ATPSCKMT: variants seen among roughly 807,000 people sequenced by gnomAD.
The protein encoded by ATPSCKMT is ATP synthase subunit C lysine N-methyltransferase.
A neutral mutation model predicts 24.3 loss-of-function variants in ATPSCKMT; 24 were observed. That is an observed-to-expected ratio of 0.99 (90% CI 0.71 to 1.39). ATPSCKMT has a LOEUF of 1.39. Ranked by LOEUF, ATPSCKMT falls within the 40% of genes most tolerant of loss-of-function variation. ATPSCKMT has a pLI of 0.00. For missense variants in ATPSCKMT, 311 were observed against 298.4 expected (o/e 1.04, Z -0.31); for synonymous variants, 95 against 110.5 (o/e 0.86, Z 0.88).
In ATPSCKMT at chr5:10,236,591, A is replaced by C. The variant is rs1579425067; in HGVS notation, c.331T>G (p.Phe111Val). The change falls in exon 3 of 5, where the codon TTC becomes GTC. Residue 111 changes from phenylalanine to valine, a missense_variant. Phe to Val is a conservative substitution (Grantham distance 50). Coordinates refer to ENST00000511437, the MANE Select transcript of ATPSCKMT (RefSeq NM_199133.4). ...RIVIAAAKKG[F>V]TAVGYELNPW... is the part of the protein sequence containing the mutation. ...TTTAATTCATAACCAACTGCTGTGAACCCTTTCTTCGCAGCCGCTATGACC... is the reference window on the plus strand; with the variant it reads ...TTTAATTCATAACCAACTGCTGTGACCCCTTTCTTCGCAGCCGCTATGACC... 2 of 1,614,184 alleles carry C rather than the reference A, an allele frequency of 1.2e-6. No individual in the cohort carries two copies. The highest frequency in any genetic ancestry group is 1.7e-6 in the Non-Finnish European group (2 of 1,180,024).
chr5:10,231,861 T>G (rs1252881291), intron 4 of ATPSCKMT, among the ~76,000 whole-genome samples: 2 of 152,238 alleles, frequency 1.3e-5, no homozygotes, highest in Non-Finnish European at 2.9e-5. Flanking sequence ...GTGATTCAGC[T>G]ACGAGTTATT....
At chr5:10,235,556 A>AT (rs1450796007) in intron 3 of ATPSCKMT, among the ~76,000 whole-genome samples, 1 of 152,222 alleles carries the variant, frequency 6.6e-6, no homozygotes, top group South Asian at 2.1e-4. Context: ...TGCGTCAGAC[A>AT]GCTAGTGACC....
At chr5:10,236,993 C>G (rs1744405128) in intron 2 of ATPSCKMT, 3 of 1,309,134 alleles carry the variant, frequency 2.3e-6, no homozygotes, top group Non-Finnish European at 3.0e-6. Context: ...ATGAAAGTGT[C>G]TGGGAGGATG....
intron 4 of ATPSCKMT, among the ~76,000 whole-genome samples, chr5:10,234,857 C>CA (rs1201027484): frequency 6.6e-6 from 1 of 152,186 alleles, no homozygotes; most frequent in Non-Finnish European, 1.5e-5. Flanking sequence ...TCAGAGGGAA[C>CA]ATCTCATTAA....
At chr5:10,245,286 G>A (rs535436209) in intron 1 of ATPSCKMT, among the ~76,000 whole-genome samples, 1 of 152,108 alleles carries the variant, frequency 6.6e-6, no homozygotes, top group Non-Finnish European at 1.5e-5. Context: ...CGGGCATGGT[G>A]GTGGGCGCCT....
chr5:10,239,130 A>G lies in ATPSCKMT; in HGVS notation c.243T>C (p.Val81=). 6.2e-7 allele frequency: 1 copy of G among 1,614,214 alleles called. No homozygotes were observed. The highest frequency in any genetic ancestry group is 8.5e-7 in the Non-Finnish European group (1 of 1,180,038). Residue 81 remains valine (V), a synonymous_variant, in exon 2 of 5, where the codon GTT becomes GTC. Transcript: ENST00000511437. ...VPATTKQIEN[V]VKMLRCRRGS... ...CTCTTCGGCATCGCAACATTTTCAC[A>G]ACATTTTCAATCTGCTTCGTAGTTG...
intron 2 of ATPSCKMT, chr5:10,237,137 T>C: frequency 1.3e-6 from 1 of 798,990 alleles, no homozygotes; most frequent in Admixed American, 2.4e-5. Context: ...ATGAAATGAA[T>C]CCCAATAACG....
intron 1 of ATPSCKMT, among the ~76,000 whole-genome samples, chr5:10,247,024 C>G (rs1268956016): frequency 1.3e-5 from 2 of 152,220 alleles, no homozygotes; most frequent in East Asian, 1.9e-4. Flanking sequence ...GAGTGAGAGA[C>G]AAACAGGAAG....
At chr5:10,233,089 G>C (rs1342855702) in intron 4 of ATPSCKMT, among the ~76,000 whole-genome samples, 1 of 152,190 alleles carries the variant, frequency 6.6e-6, no homozygotes, top group East Asian at 1.9e-4. Flanking sequence ...ATCAGAAGCA[G>C]GGGTGAGGGT....
chr5:10,225,639 T>A lies in ATPSCKMT; in HGVS notation c.*1802A>T, dbSNP rs1743846234. 6.6e-6 allele frequency among the ~76,000 whole-genome samples: 1 copy of A among 152,086 alleles called. No individual in the cohort carries two copies. Among genetic ancestry groups the A allele is most frequent in the South Asian group, 2.1e-4 (1 of 4,810 alleles). The stretch of plus-strand genomic sequence containing the variant: ...AATAACCATCAGATCTCATTAAACT[T>A]ACTCACTATCATGAGAACAGCACAG... On this transcript the variant is annotated 3_prime_UTR_variant, in exon 5 of 5. Coordinates refer to ENST00000511437, the MANE Select transcript of ATPSCKMT (RefSeq NM_199133.4).
intron 1 of ATPSCKMT, among the ~76,000 whole-genome samples, chr5:10,241,407 A>G (rs1744640997): frequency 6.6e-6 from 1 of 152,144 alleles, no homozygotes; most frequent in South Asian, 2.1e-4. Context: ...TGCAGTACAA[A>G]TTTGAACCCA....
At position 10,239,140 on chromosome 5, in the gene ATPSCKMT, A is replaced by G. The variant is rs1297591156; in HGVS notation, c.233T>C (p.Ile78Thr). ...TCGCAACATTTTCACAACATTTTCAATCTGCTTCGTAGTTGCAGGTACAAA... is the reference window on the plus strand; with the variant it reads ...TCGCAACATTTTCACAACATTTTCAGTCTGCTTCGTAGTTGCAGGTACAAA... ...LPFVPATTKQ[I>T]ENVVKMLRCR... The change falls in exon 2 of 5, where the codon ATT (isoleucine) becomes ACT (threonine). Residue 78 changes from isoleucine to threonine, a missense_variant. By Grantham distance (89) the Ile-to-Thr change is moderately conservative (BLOSUM62 -1). Coordinates refer to ENST00000511437, the MANE Select transcript of ATPSCKMT (RefSeq NM_199133.4). 1.2e-6 allele frequency: 2 copies of G among 1,614,088 alleles called. No individual in the cohort carries two copies. The highest frequency in any genetic ancestry group is 1.7e-5 in the Admixed American group (1 of 60,002).
At chr5:10,249,515 C>A in intron 1 of ATPSCKMT, 1 of 328,318 alleles carries the variant, frequency 3.0e-6, no homozygotes, top group Non-Finnish European at 5.5e-6. Flanking sequence ...GGGATTTCCT[C>A]AAAGCCACAG....
rs76309024 is a variant in ATPSCKMT at position 10,227,326 on chromosome 5, G to C, written c.*115C>G. 407 of 1,064,128 alleles carry C rather than the reference G, an allele frequency of 3.8e-4. 1 individual carries two copies. The African/African-American group carries it at 5.7e-3, about 15-fold the overall frequency. 65.9% of individuals were successfully genotyped at this position (1,064,128 alleles called of 1,614,324 possible). On this transcript the variant is annotated 3_prime_UTR_variant, in exon 5 of 5. Transcript: ENST00000511437. ...TCTCCAACAGTTAAGGAAAGTAATA[G>C]TAATTTCTCATTCCAAACCAAAGAC...
At position 10,235,228 on chromosome 5, in the gene ATPSCKMT, A is replaced by C. The variant is rs780193429; in HGVS notation, c.478T>G (p.Phe160Val). The C allele has an allele frequency of 2.7e-5, 43 of 1,613,786 alleles. No individual in the cohort carries two copies. The highest frequency in any genetic ancestry group is 3.6e-5 in the Non-Finnish European group (43 of 1,179,800). The change falls in exon 4 of 5, where the codon TTC (phenylalanine) becomes GTC (valine). Residue 160 changes from phenylalanine (F) to valine (V), a missense_variant. By Grantham distance (50) the Phe-to-Val change is conservative. Transcript: ENST00000511437. Reference sequence around the variant, plus strand: ...ATACTCACCATCTGAGGCACACCGAAAATAACAACGTTCGAGTACTGCGAA... The same window carrying C: ...ATACTCACCATCTGAGGCACACCGACAATAACAACGTTCGAGTACTGCGAA... ...TFSQYSNVVI[F>V]GVPQMMLQLE...
intron 4 of ATPSCKMT, among the ~76,000 whole-genome samples, chr5:10,228,889 CAA>C (rs1478611137): frequency 1.3e-5 from 2 of 152,160 alleles, no homozygotes; most frequent in Admixed American, 6.5e-5. Flanking sequence ...CTCAGCCTCT[CAA>C]AGTGTTGGGA....
At chr5:10,231,052 C>T (rs1744106758) in intron 4 of ATPSCKMT, among the ~76,000 whole-genome samples, 1 of 152,200 alleles carries the variant, frequency 6.6e-6, no homozygotes, top group South Asian at 2.1e-4. Flanking sequence ...CATGCCCATG[C>T]TGACTTTCCC....
At chr5:10,247,136 G>A (rs1054306469) in intron 1 of ATPSCKMT, among the ~76,000 whole-genome samples, 5 of 152,186 alleles carry the variant, frequency 3.3e-5, no homozygotes, top group Admixed American at 1.3e-4. Flanking sequence ...TTTAAGAAAG[G>A]CAACACAGGG....
chr5:10,248,243 T>C (rs1745037449), intron 1 of ATPSCKMT: 3 of 152,246 alleles, frequency 2.0e-5, no homozygotes, highest in African/African-American at 7.2e-5. Context: ...CTAATGTCAT[T>C]TGTGTCCTTT....
Sources: gnomAD v4.1 joint callset for allele counts (sites outside exome capture counted in the v4.1 genomes callset) on GRCh38, gnomAD v4.1.1 for gene constraint, MANE v1.5 for transcripts, NCBI Gene and HGNC (gene_info 2026-07-23, HGNC 2026-07-21) for gene names.